RAPGEF2: variants seen among roughly 807,000 people sequenced by gnomAD.
RAPGEF2 encodes PDZ domain containing guanine nucleotide exchange factor (GEF) 1.
In RAPGEF2, 54 loss-of-function variants were observed where a neutral mutation model predicts 186.7. The observed-to-expected ratio is 0.29, with a 90% CI of 0.23 to 0.36. The LOEUF (loss-of-function observed/expected upper bound fraction) is 0.36. Among genes scored for constraint, RAPGEF2 ranks in the 10% least tolerant of loss-of-function variants. RAPGEF2 has a pLI of 1.00. For synonymous variants in RAPGEF2, 712 were observed against 705.9 expected, an observed-to-expected ratio of 1.01 and a Z score of -0.14; for missense variants, 1,532 against 2,045.0, an observed-to-expected ratio of 0.75 and a Z score of 4.84.
intron 17 of RAPGEF2, among the ~76,000 whole-genome samples, chr4:159,338,110 C>CA (rs1214569736): frequency 6.8e-6 from 1 of 146,702 alleles, no homozygotes. Context: ...CAAACAAAAA[C>CA]AAAAAACAAA....
At chr4:159,323,698 C>A in intron 11 of RAPGEF2, 81 bp downstream of exon 11, 5 of 833,320 alleles carry the variant, frequency 6.0e-6, no homozygotes, top group South Asian at 5.4e-5. Flanking sequence ...ATTTTTCTCC[C>A]TATATAAATA....
Position 159,358,211 on chromosome 4 carries a change from G to A in RAPGEF2, c.*72G>A. ...ACAAGAAGACGTCCTGAGCATTGGA[G>A]CCTTGGAACTCACATTCTGAGGACG... On this transcript the variant is annotated 3_prime_UTR_variant, in exon 30 of 30. Coordinates refer to ENST00000691494, the MANE Select transcript of RAPGEF2 (RefSeq NM_001394067.2). 6.8e-7 allele frequency: 1 copy of A among 1,469,190 alleles called. No individual in the cohort carries two copies. The allele number at this position is 1,469,190 out of a possible 1,614,324, so 91.0% of individuals were successfully genotyped here. A position where few individuals can be genotyped will look rare whatever the true frequency, so the allele number is the denominator to read the frequency against.
intron 7 of RAPGEF2, among the ~76,000 whole-genome samples, chr4:159,266,037 A>G (rs1757386233): frequency 6.6e-6 from 1 of 152,180 alleles, no homozygotes. Context: ...AGGAAGAGGA[A>G]AATACCTGGT....
chr4:159,326,326 A>T (rs542212661), intron 11 of RAPGEF2, among the ~76,000 whole-genome samples: 1 of 152,326 alleles, frequency 6.6e-6, no homozygotes, highest in South Asian at 2.1e-4. Context: ...AATAGCCTCC[A>T]TGAGTTTCTA....
At chr4:159,252,101 G>A (rs150696688) in intron 7 of RAPGEF2, among the ~76,000 whole-genome samples, 188 of 152,224 alleles carry the variant, frequency 1.2e-3, no homozygotes, top group South Asian at 7.3e-3. Context: ...TTTCATTCTT[G>A]AAGTCAGCCA....
chr4:159,334,648 C>A (rs1241785320), intron 17 of RAPGEF2, among the ~76,000 whole-genome samples: 1 of 152,112 alleles, frequency 6.6e-6, no homozygotes, highest in Non-Finnish European at 1.5e-5. Flanking sequence ...GTTCATATGA[C>A]CTTGGCAAGT....
In RAPGEF2 at chr4:159,104,519, AGAGAGAGG is replaced by A. The variant is rs1464853255; in HGVS notation, c.69+295_69+302del. ...GAGAGAGAGAGAGAGAGAGAGAGAGAGAGAGAGGGAGAGACAGAGAGAGAGAGAGAGAG... is the reference window on the plus strand; with the variant it reads ...GAGAGAGAGAGAGAGAGAGAGAGAGAGAGAGACAGAGAGAGAGAGAGAGAG... On this transcript the variant is annotated intron_variant, in intron 1 of 29. Transcript: ENST00000691494. Among the ~76,000 whole-genome samples the A allele has an allele frequency of 4.3e-3, 515 of 118,782 alleles. 12 individuals are homozygous for A. Among genetic ancestry groups the A allele is most frequent in the East Asian group, 0.021 (89 of 4,268 alleles). 77.9% of individuals were successfully genotyped at this position (118,782 alleles called of 152,430 possible). A position where few individuals can be genotyped will look rare whatever the true frequency, so the allele number is the denominator to read the frequency against.
chr4:159,290,702 C>T (rs1237514934), intron 7 of RAPGEF2, among the ~76,000 whole-genome samples: 3 of 151,134 alleles, frequency 2.0e-5, no homozygotes, highest in African/African-American at 4.9e-5. Context: ...GTGTGCTTGA[C>T]GATGTCATAG....
intron 7 of RAPGEF2, among the ~76,000 whole-genome samples, chr4:159,251,566 A>G (rs542363615): frequency 1.5e-4 from 23 of 152,260 alleles, no homozygotes; most frequent in African/African-American, 5.3e-4. Context: ...AAATGCACCA[A>G]TCAGCACTCT....
intron 11 of RAPGEF2, chr4:159,328,954 C>T (rs552602038): frequency 6.6e-6 from 1 of 152,164 alleles, no homozygotes; most frequent in Admixed American, 6.5e-5. Flanking sequence ...CCTATGAAAT[C>T]ATGATTTCAG....
chr4:159,109,088 A>G (rs563332471), intron 1 of RAPGEF2, among the ~76,000 whole-genome samples: 201 of 152,324 alleles, frequency 1.3e-3, no homozygotes, highest in Non-Finnish European at 2.6e-3. Context: ...TAAATGGACT[A>G]TCCGAAATAA....
intron 4 of RAPGEF2, among the ~76,000 whole-genome samples, chr4:159,215,609 A>G (rs1750927311): frequency 6.6e-6 from 1 of 152,256 alleles, no homozygotes; most frequent in South Asian, 2.1e-4. Flanking sequence ...TTATCATAGA[A>G]GTCTCAAAGG....
chr4:159,199,695 G>T (rs183484360), intron 3 of RAPGEF2, among the ~76,000 whole-genome samples: 10 of 152,230 alleles, frequency 6.6e-5, no homozygotes, highest in African/African-American at 2.2e-4. Flanking sequence ...TGATGTGAGG[G>T]GTAGTGGTGC....
intron 1 of RAPGEF2, among the ~76,000 whole-genome samples, chr4:159,184,413 G>A (rs1266139982): frequency 6.6e-6 from 1 of 152,118 alleles, no homozygotes; most frequent in African/African-American, 2.4e-5. Flanking sequence ...GTTGTTTCCT[G>A]ACTTTTTAAT....
chr4:159,131,599 A>G (rs1376457116), intron 1 of RAPGEF2, among the ~76,000 whole-genome samples: 2 of 109,148 alleles, frequency 1.8e-5, no homozygotes, highest in Non-Finnish European at 3.5e-5. Flanking sequence ...TGGAGTTTTT[A>G]CTAGTTGAAG....
chr4:159,244,987 A>G (rs944768108), intron 7 of RAPGEF2, among the ~76,000 whole-genome samples: 7 of 152,144 alleles, frequency 4.6e-5, no homozygotes, highest in Non-Finnish European at 8.8e-5. Flanking sequence ...TGAAAAGAGT[A>G]CACTTAAAAT....
At chr4:159,263,218 T>G (rs1757068142) in intron 7 of RAPGEF2, among the ~76,000 whole-genome samples, 1 of 152,170 alleles carries the variant, frequency 6.6e-6, no homozygotes, top group Non-Finnish European at 1.5e-5. Context: ...AATATAAAGT[T>G]TATCAGATAA....
intron 7 of RAPGEF2, among the ~76,000 whole-genome samples, chr4:159,264,620 A>G (rs1023083918): frequency 6.6e-5 from 10 of 152,302 alleles, no homozygotes; most frequent in African/African-American, 2.4e-4. Context: ...AATTTTACAC[A>G]TTATTAAGTG....
intron 17 of RAPGEF2, among the ~76,000 whole-genome samples, chr4:159,333,702 C>G (rs1324279430): frequency 6.6e-6 from 1 of 152,168 alleles, no homozygotes; most frequent in Non-Finnish European, 1.5e-5. Flanking sequence ...CTTCTTGAGT[C>G]TAGGAATGTT....
Sources: gnomAD v4.1 joint callset for allele counts (sites outside exome capture counted in the v4.1 genomes callset) on GRCh38, gnomAD v4.1.1 for gene constraint, MANE v1.5 for transcripts, NCBI Gene and HGNC (gene_info 2026-07-23, HGNC 2026-07-21) for gene names.